ADAMTS19: variants seen among roughly 807,000 people sequenced by gnomAD.
The protein encoded by ADAMTS19 is A disintegrin and metalloproteinase with thrombospondin motifs 19.
Under a neutral mutation model 153.3 loss-of-function variants are expected in ADAMTS19, and 93 were observed. The ratio of observed to expected loss-of-function variants is 0.61; its 90% CI spans 0.51 to 0.72. The LOEUF (loss-of-function observed/expected upper bound fraction) is 0.72. Ranked by LOEUF, ADAMTS19 falls within the 30% of genes least tolerant of loss-of-function variation. The probability of loss-of-function intolerance (pLI) is 0.00; values close to 1 mark genes in which losing one functional copy is unlikely to be tolerated. For missense variants in ADAMTS19, 1,482 were observed against 1,552.1 expected (o/e 0.95, Z 0.76); for synonymous variants, 600 against 556.6 (o/e 1.08, Z -1.10).
intron 7 of ADAMTS19, among the ~76,000 whole-genome samples, chr5:129,555,100 T>G (rs1561568935): frequency 6.6e-6 from 1 of 151,938 alleles, no homozygotes; most frequent in Non-Finnish European, 1.5e-5. Flanking sequence ...TCAGCCATTT[T>G]ACTTTTTTTT....
chr5:129,521,553 T>G (rs538469626), intron 3 of ADAMTS19, among the ~76,000 whole-genome samples: 3 of 152,138 alleles, frequency 2.0e-5, no homozygotes, highest in African/African-American at 7.2e-5. Flanking sequence ...AAATCCAAGA[T>G]TTTTATCTAT....
chr5:129,507,562 A>T (rs1176431036), intron 2 of ADAMTS19, among the ~76,000 whole-genome samples: 1 of 151,962 alleles, frequency 6.6e-6, no homozygotes, highest in East Asian at 1.9e-4. Context: ...AAAATTATAC[A>T]AATATTTGGC....
At chr5:129,572,480 T>A (rs148519848) in intron 7 of ADAMTS19, among the ~76,000 whole-genome samples, 67 of 152,118 alleles carry the variant, frequency 4.4e-4, no homozygotes, top group African/African-American at 1.6e-3. Context: ...AATGTTTATA[T>A]CTGATCTATT....
chr5:129,691,170 T>C (rs1755318585), intron 18 of ADAMTS19, among the ~76,000 whole-genome samples: 1 of 152,214 alleles, frequency 6.6e-6, no homozygotes, highest in African/African-American at 2.4e-5. Flanking sequence ...CTTTGTTAAA[T>C]TTCCAAAGCA....
intron 16 of ADAMTS19, among the ~76,000 whole-genome samples, chr5:129,671,286 TGA>T (rs1754289408): frequency 6.6e-6 from 1 of 152,036 alleles, no homozygotes; most frequent in Non-Finnish European, 1.5e-5. Context: ...AAAATAGATG[TGA>T]GTGTTGATAG....
intron 6 of ADAMTS19, among the ~76,000 whole-genome samples, chr5:129,548,473 G>A (rs1752944194): frequency 6.6e-6 from 1 of 152,028 alleles, no homozygotes; most frequent in South Asian, 2.1e-4. Flanking sequence ...AAACCACAAT[G>A]AGATACCATC....
At chr5:129,683,652 C>T (rs2127125703) in intron 17 of ADAMTS19, among the ~76,000 whole-genome samples, 1 of 152,004 alleles carries the variant, frequency 6.6e-6, no homozygotes, top group East Asian at 1.9e-4. Context: ...CCTCTTTTGA[C>T]TCAGCAACTT....
intron 2 of ADAMTS19, among the ~76,000 whole-genome samples, chr5:129,502,229 A>G (rs1751129008): frequency 6.6e-6 from 1 of 152,160 alleles, no homozygotes; most frequent in African/African-American, 2.4e-5. Context: ...CAAATGCCGC[A>G]GAGAGGGGAA....
intron 2 of ADAMTS19, among the ~76,000 whole-genome samples, chr5:129,493,091 A>G (rs1750819527): frequency 6.6e-6 from 1 of 152,216 alleles, no homozygotes; most frequent in Non-Finnish European, 1.5e-5. Context: ...AGAATAAATT[A>G]CAAGAAGTGT....
chr5:129,489,317 A>C (rs1480427507), intron 2 of ADAMTS19, among the ~76,000 whole-genome samples: 1 of 152,126 alleles, frequency 6.6e-6, no homozygotes, highest in African/African-American at 2.4e-5. Flanking sequence ...CATGTTAACA[A>C]TAAGAAAAAT....
intron 3 of ADAMTS19, among the ~76,000 whole-genome samples, chr5:129,524,759 GA>G (rs76679982): frequency 4.9e-4 from 68 of 138,148 alleles, no homozygotes; most frequent in East Asian, 1.9e-3. Flanking sequence ...AACTTGAAGG[GA>G]AAAAAAAAAA....
intron 2 of ADAMTS19, among the ~76,000 whole-genome samples, chr5:129,485,056 A>T (rs567609482): frequency 6.6e-6 from 1 of 152,302 alleles, no homozygotes. Flanking sequence ...AGAAAATTTT[A>T]TATCTATTAC....
intron 21 of ADAMTS19, among the ~76,000 whole-genome samples, chr5:129,713,787 G>A (rs1175447401): frequency 1.3e-5 from 2 of 149,440 alleles, no homozygotes; most frequent in Non-Finnish European, 3.0e-5. Flanking sequence ...TTAACAAAAT[G>A]TTTTTAACAA....
intron 2 of ADAMTS19, among the ~76,000 whole-genome samples, chr5:129,470,940 T>C (rs1358258734): frequency 1.3e-5 from 2 of 152,166 alleles, no homozygotes; most frequent in African/African-American, 2.4e-5. Context: ...TTTTGTAGTC[T>C]ACTAGCCTCA....
At chr5:129,649,722 T>C (rs987568263) in intron 13 of ADAMTS19, among the ~76,000 whole-genome samples, 2 of 152,148 alleles carry the variant, frequency 1.3e-5, no homozygotes, top group African/African-American at 4.8e-5. Context: ...CAAATGCCAG[T>C]TTCCTGGGTT....
At chr5:129,735,933 C>A (rs1269322482) in intron 22 of ADAMTS19, among the ~76,000 whole-genome samples, 3 of 151,964 alleles carry the variant, frequency 2.0e-5, no homozygotes, top group African/African-American at 7.2e-5. Flanking sequence ...CAATTGGAAT[C>A]ATACAAAATA....
intron 7 of ADAMTS19, among the ~76,000 whole-genome samples, chr5:129,584,387 G>C (rs942641639): frequency 6.6e-6 from 1 of 152,222 alleles, no homozygotes. Flanking sequence ...GGACCCACTT[G>C]AGGAGGCAGT....
chr5:129,601,062 G>A (rs895116288), intron 8 of ADAMTS19, among the ~76,000 whole-genome samples: 1 of 151,952 alleles, frequency 6.6e-6, no homozygotes, highest in South Asian at 2.1e-4. Flanking sequence ...TAGTAGAGAC[G>A]GGGTTTCAGT....
At position 129,461,669 on chromosome 5, in the gene ADAMTS19, C is replaced by T. The variant is rs550634376; in HGVS notation, c.659C>T (p.Ala220Val). The T allele has an allele frequency of 1.3e-5, 21 of 1,581,772 alleles. No homozygotes were observed. The highest frequency in any genetic ancestry group is 1.8e-5 in the Non-Finnish European group (21 of 1,170,114). Residue 220 changes from alanine (A) to valine (V), a missense_variant, in exon 2 of 23, where the codon GCG (alanine) becomes GTG (valine). Physicochemically the swap from Ala to Val is moderately conservative, Grantham distance 64. Around this residue, in one of 2 missense-constraint regions of ADAMTS19, gnomAD observed 866 missense variants for 827.7 expected, o/e 1.05. Coordinates refer to ENST00000274487, the MANE Select transcript of ADAMTS19 (RefSeq NM_133638.6). The surrounding 1 kb of genome is among the most constrained non-coding windows in gnomAD (Gnocchi z 4.6). ...TGAASAPQPP[A>V]PPDAGCFYTG... ...GCAGCATCCGCCCCGCAACCTCCCG[C>T]GCCACCAGACGCAGGCTGCTTCTAC... is the stretch of plus-strand genomic sequence containing the variant.
Sources: gnomAD v4.1 joint callset for allele counts (sites outside exome capture counted in the v4.1 genomes callset) on GRCh38, gnomAD v4.1.1 for gene constraint, gnomAD v4.1.1 regional missense constraint, Gnocchi (gnomAD v3.1) non-coding constraint, MANE v1.5 for transcripts, NCBI Gene and HGNC (gene_info 2026-07-23, HGNC 2026-07-21) for gene names.